CSGALNACT1: variants seen among roughly 807,000 people sequenced by gnomAD.
CSGALNACT1 encodes the protein beta4GalNAcT-1.
A neutral mutation model predicts 51.0 loss-of-function variants in CSGALNACT1; 52 were observed. The observed-to-expected ratio is 1.02, with a 90% confidence interval of 0.82 to 1.29. The LOEUF (loss-of-function observed/expected upper bound fraction) is 1.29. Ranked by LOEUF, CSGALNACT1 falls within the 50% of genes most tolerant of loss-of-function variation. CSGALNACT1 has a pLI of 0.00. For missense variants in CSGALNACT1, 935 were observed against 679.2 expected, an observed-to-expected ratio of 1.38 and a Z score of -4.19; for synonymous variants, 341 against 254.4, an observed-to-expected ratio of 1.34 and a Z score of -3.24.
chr8:19,687,100 T>C (rs1016836940), upstream of CSGALNACT1, among the ~76,000 whole-genome samples: 2 of 152,076 alleles, frequency 1.3e-5, no homozygotes, highest in African/African-American at 2.4e-5. Context: ...TTGGGGCTTG[T>C]TTGCATTAAG....
intron 3 of CSGALNACT1, among the ~76,000 whole-genome samples, chr8:19,525,765 A>G (rs1755964339): frequency 6.6e-6 from 1 of 152,064 alleles, no homozygotes; most frequent in Admixed American, 6.6e-5. Flanking sequence ...AGGTACATGA[A>G]TGTCCTAGTC....
intron 6 of CSGALNACT1, among the ~76,000 whole-genome samples, chr8:19,438,004 A>G (rs767198418): frequency 6.6e-6 from 1 of 152,214 alleles, no homozygotes; most frequent in Non-Finnish European, 1.5e-5. Flanking sequence ...AGTCACTACA[A>G]GGGGTCTAAA....
chr8:19,685,293 C>T (rs895526792), upstream of CSGALNACT1, among the ~76,000 whole-genome samples: 11 of 152,272 alleles, frequency 7.2e-5, no homozygotes, highest in African/African-American at 2.6e-4. Flanking sequence ...TATGTCCCAT[C>T]AGCCCAGGAG....
intron 1 of CSGALNACT1, among the ~76,000 whole-genome samples, chr8:19,653,126 TCTCTCTTGATGGAA>T (rs1436009224): frequency 6.6e-6 from 1 of 152,120 alleles, no homozygotes; most frequent in Non-Finnish European, 1.5e-5. Context: ...AGAATCACTG[TCTCTCTTGATGGAA>T]CCAGTATCCA....
intron 2 of CSGALNACT1, among the ~76,000 whole-genome samples, chr8:19,594,571 C>T (rs1311611444): frequency 2.0e-5 from 3 of 152,134 alleles, no homozygotes; most frequent in East Asian, 1.9e-4. Flanking sequence ...AACTTTAGGT[C>T]GTGACTCAAA....
chr8:19,714,335 GT>G (rs1033537331), intron 1 of CSGALNACT1, among the ~76,000 whole-genome samples: 83 of 138,834 alleles, frequency 6.0e-4, no homozygotes, highest in African/African-American at 1.9e-3. Context: ...ACCTGGGTAT[GT>G]TTTTTTTTTG....
intron 1 of CSGALNACT1, among the ~76,000 whole-genome samples, chr8:19,643,183 T>C (rs2056916273): frequency 6.6e-6 from 1 of 152,104 alleles, no homozygotes; most frequent in Admixed American, 6.5e-5. Context: ...AAATACTGAA[T>C]AAAAATCAGC....
At chr8:19,601,200 G>A (rs552114860) in intron 2 of CSGALNACT1, among the ~76,000 whole-genome samples, 6 of 152,120 alleles carry the variant, frequency 3.9e-5, no homozygotes, top group South Asian at 4.1e-4. Context: ...ATTTGTCCCC[G>A]GACTAAAACC....
At chr8:19,590,014 T>C (rs563765906) in intron 3 of CSGALNACT1, among the ~76,000 whole-genome samples, 5 of 152,342 alleles carry the variant, frequency 3.3e-5, no homozygotes, top group African/African-American at 9.6e-5. Flanking sequence ...CAGACCTCTC[T>C]AGGTTAGACA....
chr8:19,585,209 C>T (rs1428146206), intron 3 of CSGALNACT1: 1 of 152,242 alleles, frequency 6.6e-6, no homozygotes, highest in Non-Finnish European at 1.5e-5. Flanking sequence ...CACTTCTGAG[C>T]ACTGCTAAGA....
chr8:19,537,027 T>C (rs1210853730), intron 3 of CSGALNACT1, among the ~76,000 whole-genome samples: 1 of 152,076 alleles, frequency 6.6e-6, no homozygotes, highest in Non-Finnish European at 1.5e-5. Flanking sequence ...TCTTGGCCAA[T>C]GGGATCCCAG....
chr8:19,585,285 T>G (rs1411409182), intron 3 of CSGALNACT1: 1 of 152,194 alleles, frequency 6.6e-6, no homozygotes, highest in Non-Finnish European at 1.5e-5. Flanking sequence ...GCTTGCTGGT[T>G]GAGTTGACAC....
intron 4 of CSGALNACT1, among the ~76,000 whole-genome samples, chr8:19,493,319 G>T (rs1451399793): frequency 6.6e-6 from 1 of 152,070 alleles, no homozygotes; most frequent in Admixed American, 6.5e-5. Context: ...CAGAGATTGT[G>T]TTATTTATTT....
chr8:19,453,845 G>A (rs2063606806), intron 5 of CSGALNACT1, among the ~76,000 whole-genome samples: 1 of 150,922 alleles, frequency 6.6e-6, no homozygotes, highest in Non-Finnish European at 1.5e-5. Flanking sequence ...CTGGGAGGCA[G>A]AGGTTGCAGT....
chr8:19,707,916 G>A (rs2062270581), intron 1 of CSGALNACT1, among the ~76,000 whole-genome samples: 1 of 152,178 alleles, frequency 6.6e-6, no homozygotes, highest in South Asian at 2.1e-4. Flanking sequence ...CTGGAGAATC[G>A]CTTGAACCCA....
intron 1 of CSGALNACT1, among the ~76,000 whole-genome samples, chr8:19,626,040 G>C (rs2154166056): frequency 6.6e-6 from 1 of 152,242 alleles, no homozygotes; most frequent in Admixed American, 6.5e-5. Flanking sequence ...GATAATCCTA[G>C]CAAGATTTTT....
exon 10 of CSGALNACT1, chr8:19,406,016 G>T: frequency 6.2e-7 from 1 of 1,614,186 alleles, no homozygotes; most frequent in Non-Finnish European, 8.5e-7. Context: ...AGATACTTGC[G>T]ATAAAGGTGC....
At chr8:19,705,010 A>G (rs1260276891) in intron 1 of CSGALNACT1, among the ~76,000 whole-genome samples, 1 of 152,228 alleles carries the variant, frequency 6.6e-6, no homozygotes, top group Admixed American at 6.5e-5. Context: ...CTGGTAACCT[A>G]CATCATAGTG....
At chr8:19,631,037 A>G (rs1261911536) in intron 1 of CSGALNACT1, among the ~76,000 whole-genome samples, 2 of 152,180 alleles carry the variant, frequency 1.3e-5, no homozygotes, top group Non-Finnish European at 2.9e-5. Context: ...ATATGTATCT[A>G]ATGTTAGCAC....
Sources: allele counts gnomAD v4.1 joint callset (sites outside exome capture counted in the v4.1 genomes callset), GRCh38; gene constraint gnomAD v4.1.1; transcripts MANE v1.5; gene names NCBI Gene and HGNC (gene_info 2026-07-23, HGNC 2026-07-21).